Variants in DMXL2 observed in about 807,000 individuals in gnomAD.
DMXL2 encodes Dmx like 2, also known as dmX-like protein 2.
Under a neutral mutation model 331.1 loss-of-function variants are expected in DMXL2, and 103 were observed. The ratio of observed to expected loss-of-function variants is 0.31; its 90% CI spans 0.27 to 0.37. The LOEUF (loss-of-function observed/expected upper bound fraction) is 0.37. Ranked by LOEUF, DMXL2 falls within the 10% of genes least tolerant of loss-of-function variation. The pLI is 1.00. For missense variants in DMXL2, 3,171 were observed against 3,642.9 expected (o/e 0.87, Z 3.33); for synonymous variants, 1,281 against 1,252.1 (o/e 1.02, Z -0.49).
At chr15:51,498,239 CA>C (rs1204129490) in intron 18 of DMXL2, among the ~76,000 whole-genome samples, 1 of 151,802 alleles carries the variant, frequency 6.6e-6, no homozygotes, top group Non-Finnish European at 1.5e-5. Flanking sequence ...GACCCTGTCT[CA>C]AAAAAACAAA....
At chr15:51,510,321 C>T (rs1378036891) in intron 15 of DMXL2, among the ~76,000 whole-genome samples, 1 of 152,084 alleles carries the variant, frequency 6.6e-6, no homozygotes, top group African/African-American at 2.4e-5. Context: ...TCGTCTCAGC[C>T]CAAAATCTCC....
In DMXL2 at chr15:51,622,697, T is replaced by C; in HGVS notation, c.-152A>G. On this transcript the variant is annotated 5_prime_UTR_variant, in exon 1 of 44. Coordinates refer to ENST00000560891, the MANE Select transcript of DMXL2 (RefSeq NM_001378457.1). ...TTAACTCCTCGCCCCCCTTTCGCCT[T>C]CCCTCCGCCTCGTCCCTGCCATGGG... The C allele has an allele frequency of 1.4e-6, 2 of 1,382,164 alleles. No homozygotes were observed. The highest frequency in any genetic ancestry group is 1.5e-5 in the South Asian group (1 of 65,540). The allele number at this position is 1,382,164 out of a possible 1,614,324, so 85.6% of individuals were successfully genotyped here. A position where few individuals can be genotyped will look rare whatever the true frequency, so the allele number is the denominator to read the frequency against.
chr15:51,529,233 T>C (rs1192805251), intron 13 of DMXL2, among the ~76,000 whole-genome samples: 2 of 151,636 alleles, frequency 1.3e-5, no homozygotes, highest in African/African-American at 2.4e-5. Context: ...AAACCCAAAA[T>C]TGGTAAAGGA....
chr15:51,598,777 C>G (rs2053018410), intron 1 of DMXL2, among the ~76,000 whole-genome samples: 1 of 152,194 alleles, frequency 6.6e-6, no homozygotes, highest in African/African-American at 2.4e-5. Flanking sequence ...TGCCCCATCT[C>G]TGATGATGTT....
chr15:51,488,028 A>G lies in DMXL2; in HGVS notation c.5143T>C (p.Leu1715=). The part of the protein sequence containing the change: ...RKAALKNAFS[L]LGKQRFEQSA... ...TGTTCAAAGCGTTGTTTTCCAAGTA[A>G]GGAAAAAGCATTTTTCAAAGCAGCT... Residue 1715 remains leucine (L), a synonymous_variant, in exon 22 of 44, where the codon TTA becomes CTA. Transcript: ENST00000560891. The G allele has an allele frequency of 6.2e-7, 1 of 1,613,170 alleles. No homozygotes were observed. Among genetic ancestry groups the G allele is most frequent in the Non-Finnish European group, 8.5e-7 (1 of 1,179,724 alleles).
At chr15:51,592,753 C>T (rs1048209861) in intron 1 of DMXL2, among the ~76,000 whole-genome samples, 10 of 150,994 alleles carry the variant, frequency 6.6e-5, no homozygotes, top group Non-Finnish European at 1.5e-4. Context: ...AGAGTGGGGG[C>T]CAATATTCAA....
rs746228892 is a variant in DMXL2 at position 51,498,638 on chromosome 15, A to G, written c.4586T>C (p.Leu1529Ser). The change falls in exon 18 of 44, where the codon TTG (leucine) becomes TCG (serine). Residue 1529 changes from leucine (L) to serine (S), a missense_variant. Physicochemically the swap from Leu to Ser is moderately radical, Grantham distance 145. This residue lies in a region of DMXL2 where 252 missense variants were observed against 387.4 expected (regional missense o/e 0.65). Coordinates refer to ENST00000560891, the MANE Select transcript of DMXL2 (RefSeq NM_001378457.1). ...CAAAGCTACAAGGAACATCTGCTCC[A>G]AACGGGTAAGGCCTGGTAGACTTGA... is the stretch of plus-strand genomic sequence containing the variant. ...MHSSLPGLTR[L>S]EQMFLVALAD... The G allele has an allele frequency of 6.2e-7, 1 of 1,614,196 alleles. No homozygotes were observed. Among genetic ancestry groups the G allele is most frequent in the South Asian group, 1.1e-5 (1 of 91,086 alleles).
At chr15:51,588,580 A>G (rs1377162237) in intron 1 of DMXL2, among the ~76,000 whole-genome samples, 1 of 152,242 alleles carries the variant, frequency 6.6e-6, no homozygotes, top group African/African-American at 2.4e-5. Flanking sequence ...AATATTTATG[A>G]CAACTTCAAA....
intron 16 of DMXL2, among the ~76,000 whole-genome samples, chr15:51,505,731 TAATGTATAATACATGTG>T (rs2046360732): frequency 6.6e-6 from 1 of 152,252 alleles, no homozygotes; most frequent in Non-Finnish European, 1.5e-5. Context: ...ACAATTGTGA[TAATGTATAATACATGTG>T]AACAAAAAAG....
At chr15:51,537,816 G>C in intron 10 of DMXL2, 57 bp from the exon 11 acceptor site, 1 of 1,491,390 alleles carries the variant, frequency 6.7e-7, no homozygotes, top group Non-Finnish European at 9.0e-7. Context: ...TTACATACTA[G>C]ACTATAAATA....
intron 13 of DMXL2, among the ~76,000 whole-genome samples, chr15:51,520,659 C>A (rs1042563659): frequency 2.0e-5 from 3 of 152,096 alleles, no homozygotes; most frequent in African/African-American, 7.2e-5. Context: ...AAGTTTGAGA[C>A]CAGCCTGGCC....
At chr15:51,470,159 A>G (rs1379868154) in intron 29 of DMXL2, among the ~76,000 whole-genome samples, 1 of 152,000 alleles carries the variant, frequency 6.6e-6, no homozygotes, top group African/African-American at 2.4e-5. Context: ...TTTTTGAGAC[A>G]CTGTCTCAGT....
At chr15:51,460,509 CTTG>C (rs1169083689) in intron 33 of DMXL2, 8 of 326,828 alleles carry the variant, frequency 2.4e-5, no homozygotes, top group Non-Finnish European at 3.1e-5. Context: ...TTCCCAAAAA[CTTG>C]TTTTGTGAAA....
At chr15:51,497,877 A>G (rs1171633680) in intron 18 of DMXL2, among the ~76,000 whole-genome samples, 1 of 152,192 alleles carries the variant, frequency 6.6e-6, no homozygotes, top group Non-Finnish European at 1.5e-5. Flanking sequence ...TTCCATAGTA[A>G]CATTAACAAA....
chr15:51,580,259 T>C (rs1056840087), intron 1 of DMXL2, among the ~76,000 whole-genome samples: 3 of 152,180 alleles, frequency 2.0e-5, no homozygotes, highest in Admixed American at 6.5e-5. Flanking sequence ...GAATTTATAG[T>C]GCAGGAGGAA....
intron 1 of DMXL2, 95 bp from the exon 2 acceptor site, chr15:51,576,276 T>C (rs2051037403): frequency 1.1e-6 from 1 of 934,738 alleles, no homozygotes; most frequent in Non-Finnish European, 1.5e-6. Flanking sequence ...TTTATTGCCA[T>C]TATAAAGTAT....
At chr15:51,600,466 T>G (rs1178355505) in intron 1 of DMXL2, among the ~76,000 whole-genome samples, 1 of 152,176 alleles carries the variant, frequency 6.6e-6, no homozygotes, top group African/African-American at 2.4e-5. Flanking sequence ...AGTAAAGGCT[T>G]TAGTTCCCTA....
rs530957819 is a variant in DMXL2, at chr15:51,519,948, G to A, written c.2437-2781C>T. ...TTCACCGCACCCAGCCCTGAACTAC[G>A]TTTTAAGGGCATCATTCTAACTCCT... On this transcript the variant is annotated intron_variant, in intron 13 of 43. Transcript: ENST00000560891. Among the ~76,000 whole-genome samples, 20 of 152,170 alleles carry A rather than the reference G, an allele frequency of 1.3e-4. No individual in the cohort carries two copies. In the East Asian group the frequency reaches 1.4e-3, roughly 10 times the overall value.
chr15:51,483,121 C>G (rs922515319), intron 23 of DMXL2, among the ~76,000 whole-genome samples: 2 of 152,222 alleles, frequency 1.3e-5, no homozygotes, highest in African/African-American at 4.8e-5. Context: ...GTCCTTACAA[C>G]AGAAGAATCC....
Sources: gnomAD v4.1 joint callset for allele counts (sites outside exome capture counted in the v4.1 genomes callset) on GRCh38, gnomAD v4.1.1 for gene constraint, gnomAD v4.1.1 regional missense constraint, MANE v1.5 for transcripts, NCBI Gene and HGNC (gene_info 2026-07-23, HGNC 2026-07-21) for gene names.